The following ST3GAL1 variants were observed in gnomAD, a reference collection of about 807,000 sequenced individuals.
The protein encoded by ST3GAL1 is ST3 beta-galactoside alpha-2,3-sialyltransferase 1.
Under a neutral mutation model 34.1 loss-of-function variants are expected in ST3GAL1, and 16 were observed. That is an observed-to-expected ratio of 0.47 (90% CI 0.32 to 0.71). The LOEUF (loss-of-function observed/expected upper bound fraction) is 0.71. Ranked by LOEUF, ST3GAL1 falls within the 30% of genes least tolerant of loss-of-function variation. The probability of loss-of-function intolerance (pLI) is 0.04; values close to 1 mark genes in which losing one functional copy is unlikely to be tolerated. For synonymous variants in ST3GAL1, 191 were observed against 184.7 expected (o/e 1.03, Z -0.28); for missense variants, 353 against 447.4 (o/e 0.79, Z 1.90).
intron 2 of ST3GAL1, among the ~76,000 whole-genome samples, chr8:133,537,177 A>G (rs1270535012): frequency 6.6e-6 from 1 of 152,162 alleles, no homozygotes; most frequent in Non-Finnish European, 1.5e-5. Context: ...ACTCAGGAAA[A>G]CATATTTACT....
At chr8:133,532,386 G>C (rs1818181386) in intron 2 of ST3GAL1, among the ~76,000 whole-genome samples, 1 of 152,088 alleles carries the variant, frequency 6.6e-6, no homozygotes. Flanking sequence ...CTTGTATCTG[G>C]GAGGCGGAGG....
At chr8:133,483,406 A>C (rs1348690774) in intron 3 of ST3GAL1, among the ~76,000 whole-genome samples, 1 of 152,194 alleles carries the variant, frequency 6.6e-6, no homozygotes, top group African/African-American at 2.4e-5. Context: ...CCTTGCACAA[A>C]AGTGAACAGC....
At chr8:133,530,290 T>TA (rs59886728) in intron 2 of ST3GAL1, among the ~76,000 whole-genome samples, 59,366 of 150,794 alleles carry the variant, frequency 0.39, 13,494 homozygotes, top group East Asian at 0.64. Context: ...ATTTTTATTT[T>TA]TTTTTTTTGA....
chr8:133,524,617 G>T (rs1347716154), intron 2 of ST3GAL1, among the ~76,000 whole-genome samples: 1 of 152,258 alleles, frequency 6.6e-6, no homozygotes, highest in Non-Finnish European at 1.5e-5. Flanking sequence ...GGGGTGTGTG[G>T]GTGAGCTAGC....
At chr8:133,505,787 G>A (rs867704792) in intron 2 of ST3GAL1, among the ~76,000 whole-genome samples, 1 of 151,852 alleles carries the variant, frequency 6.6e-6, no homozygotes, top group Non-Finnish European at 1.5e-5. Flanking sequence ...ATTTTTAGTG[G>A]AGACAGGGTT....
intron 1 of ST3GAL1, among the ~76,000 whole-genome samples, chr8:133,547,018 A>AAGG (rs1554619445): frequency 1.4e-5 from 2 of 147,758 alleles, no homozygotes; most frequent in African/African-American, 5.0e-5. Flanking sequence ...AAAAAAAAAA[A>AAGG]AAGACTTCAT....
chr8:133,501,217 C>G (rs567265861), intron 2 of ST3GAL1, among the ~76,000 whole-genome samples: 1 of 152,326 alleles, frequency 6.6e-6, no homozygotes, highest in East Asian at 1.9e-4. Context: ...CACCCCAAGC[C>G]TAGGTCGTTC....
chr8:133,564,270 G>A (rs1455799810), intron 1 of ST3GAL1, among the ~76,000 whole-genome samples: 5 of 152,072 alleles, frequency 3.3e-5, no homozygotes, highest in East Asian at 1.9e-4. Context: ...TAAAGTAACC[G>A]GATGTTAACT....
At chr8:133,513,798 C>A (rs915132639) in intron 2 of ST3GAL1, among the ~76,000 whole-genome samples, 6 of 151,656 alleles carry the variant, frequency 4.0e-5, no homozygotes, top group African/African-American at 1.5e-4. Flanking sequence ...ACTTGGGGGG[C>A]TGAGGGAGGA....
chr8:133,527,633 G>A (rs1182515975), intron 2 of ST3GAL1, among the ~76,000 whole-genome samples: 4 of 152,198 alleles, frequency 2.6e-5, no homozygotes, highest in African/African-American at 4.8e-5. Flanking sequence ...ATGACATCAT[G>A]TGCGTGCAAC....
Position 133,571,366 on chromosome 8 carries a change from A to G in ST3GAL1, c.-582+327T>C, listed in dbSNP as rs1819563219. 6.6e-6 allele frequency among the ~76,000 whole-genome samples: 1 copy of G among 152,124 alleles called. No homozygotes were observed. The highest frequency in any genetic ancestry group is 1.5e-5 in the Non-Finnish European group (1 of 68,022). The stretch of plus-strand genomic sequence containing the variant: ...GCCCGGGACTTGGCGTAGGTTCCCC[A>G]CAGAGCTCCAGGCAGCTCCTCCAGT... On this transcript the variant is annotated intron_variant, in intron 1 of 9. Transcript: ENST00000522652. The surrounding 1 kb of genome is among the most constrained non-coding windows in gnomAD (Gnocchi z 6.7).
At chr8:133,460,447 A>C (rs533195766) in intron 9 of ST3GAL1, among the ~76,000 whole-genome samples, 1 of 152,322 alleles carries the variant, frequency 6.6e-6, no homozygotes, top group East Asian at 1.9e-4. Flanking sequence ...AGTGAGGCAG[A>C]GGGCAGGGCT....
At chr8:133,532,353 T>G (rs1818180628) in intron 2 of ST3GAL1, among the ~76,000 whole-genome samples, 1 of 151,908 alleles carries the variant, frequency 6.6e-6, no homozygotes, top group African/African-American at 2.4e-5. Flanking sequence ...GCACCTGTAA[T>G]CCCAGCTATG....
intron 2 of ST3GAL1, among the ~76,000 whole-genome samples, chr8:133,523,826 C>T (rs892426224): frequency 2.6e-5 from 4 of 152,308 alleles, no homozygotes; most frequent in Non-Finnish European, 4.4e-5. Flanking sequence ...TATTTTTTCA[C>T]CCACTGGATG....
At chr8:133,568,919 C>T (rs1286117944) in intron 1 of ST3GAL1, among the ~76,000 whole-genome samples, 1 of 152,178 alleles carries the variant, frequency 6.6e-6, no homozygotes, top group Admixed American at 6.6e-5. Flanking sequence ...GAAGGGCTTC[C>T]AGATCAGCGA....
In ST3GAL1 at chr8:133,561,416, C is replaced by T. The variant is rs1819218544; in HGVS notation, c.-582+10277G>A. ...GTCTCACCATCAGAACCCTCCACTG[C>T]CTCCCCTCAGTCTCACAGGTGGCAG... On this transcript the variant is annotated intron_variant, in intron 1 of 9. Transcript: ENST00000522652. 2.0e-5 allele frequency among the ~76,000 whole-genome samples: 3 copies of T among 152,262 alleles called. No homozygotes were observed. The South Asian group carries it at 6.2e-4, about 32-fold the overall frequency.
chr8:133,467,263 C>T lies in ST3GAL1; in HGVS notation c.307-1173G>A, dbSNP rs559055059. On this transcript the variant is annotated intron_variant, in intron 5 of 9. Transcript: ENST00000522652. The surrounding 1 kb of genome is among the most constrained non-coding windows in gnomAD (Gnocchi z 4.2). Reference sequence around the variant, plus strand: ...ATGAGTTGGTATCCCTATTGGCCCCCGGTGGTTTCACTATTGGCCCCCGCT... The same window carrying T: ...ATGAGTTGGTATCCCTATTGGCCCCTGGTGGTTTCACTATTGGCCCCCGCT... Among the ~76,000 whole-genome samples, 47 of 152,286 alleles carry T rather than the reference C, an allele frequency of 3.1e-4. No individual in the cohort carries two copies. In the South Asian group the frequency reaches 7.5e-3, roughly 24 times the overall value.
rs1815790964 is a variant in ST3GAL1 at position 133,467,569 on chromosome 8, C to T, written c.307-1479G>A. 6.6e-6 allele frequency among the ~76,000 whole-genome samples: 1 copy of T among 152,182 alleles called. No homozygotes were observed. On this transcript the variant is annotated intron_variant, in intron 5 of 9. Transcript: ENST00000522652. This position sits in a 1 kb window ranked among gnomAD's most constrained non-coding sequence, Gnocchi z 4.2. ...CAGCAGGTTTCTCCCACCACACAAC[C>T]CTAACTCTGGCTCTTGGAATCTTGG...
intron 3 of ST3GAL1, among the ~76,000 whole-genome samples, chr8:133,483,948 G>A (rs879783139): frequency 1.3e-5 from 2 of 152,184 alleles, no homozygotes; most frequent in Non-Finnish European, 2.9e-5. Context: ...CCACACACTT[G>A]GAAACGCAGA....
Sources: allele counts gnomAD v4.1 joint callset (sites outside exome capture counted in the v4.1 genomes callset), GRCh38; gene constraint gnomAD v4.1.1; non-coding constraint Gnocchi (gnomAD v3.1); transcripts MANE v1.5; gene names NCBI Gene and HGNC (gene_info 2026-07-23, HGNC 2026-07-21).